Variants in MDGA2 observed in about 807,000 individuals in gnomAD.
MDGA2 encodes MAM domain containing glycosylphosphatidylinositol anchor 2.
In MDGA2, 40 loss-of-function variants were observed where a neutral mutation model predicts 117.8. The observed-to-expected ratio is 0.34, with a 90% CI of 0.26 to 0.44. MDGA2 has a LOEUF of 0.44. Among genes scored for constraint, MDGA2 ranks in the 20% least tolerant of loss-of-function variants. The pLI is 1.00. For missense variants in MDGA2, 1,123 were observed against 1,250.6 expected (o/e 0.90, Z 1.54); for synonymous variants, 452 against 439.0 (o/e 1.03, Z -0.37).
At chr14:47,272,979 G>C (rs947128289) in intron 2 of MDGA2, among the ~76,000 whole-genome samples, 4 of 152,108 alleles carry the variant, frequency 2.6e-5, no homozygotes, top group African/African-American at 4.8e-5. Context: ...CTAAGGCAGT[G>C]ATTTTTTACT....
chr14:47,618,848 A>T (rs1359140882), intron 1 of MDGA2, among the ~76,000 whole-genome samples: 16 of 152,154 alleles, frequency 1.1e-4, no homozygotes, highest in Non-Finnish European at 1.5e-4. Context: ...AACTTAGTAG[A>T]CTTTAGAGTT....
At chr14:47,436,336 A>T (rs1262274112) in intron 1 of MDGA2, among the ~76,000 whole-genome samples, 1 of 152,276 alleles carries the variant, frequency 6.6e-6, no homozygotes, top group Middle Eastern at 3.4e-3. Flanking sequence ...TATGTTATAC[A>T]GAATCATCTT....
chr14:47,383,346 TA>T (rs936053490), intron 1 of MDGA2, among the ~76,000 whole-genome samples: 30 of 148,000 alleles, frequency 2.0e-4, no homozygotes, highest in South Asian at 6.4e-4. Context: ...AAAGTACAAT[TA>T]AAAAAAAAAG....
chr14:47,241,848 C>T (rs1308460905), intron 2 of MDGA2, among the ~76,000 whole-genome samples: 1 of 151,768 alleles, frequency 6.6e-6, no homozygotes, highest in East Asian at 1.9e-4. Flanking sequence ...GGGAACAAAA[C>T]AAAATAGCTA....
At chr14:47,411,731 A>G (rs1410409854) in intron 1 of MDGA2, among the ~76,000 whole-genome samples, 3 of 152,312 alleles carry the variant, frequency 2.0e-5, no homozygotes, top group Non-Finnish European at 2.9e-5. Flanking sequence ...GCTCACAGCC[A>G]TCTGCTCTAC....
At chr14:47,643,654 G>T (rs1361158001) in intron 1 of MDGA2, among the ~76,000 whole-genome samples, 1 of 152,102 alleles carries the variant, frequency 6.6e-6, no homozygotes, top group East Asian at 1.9e-4. Flanking sequence ...TAAAAGGTCT[G>T]CTGTGTACAT....
intron 1 of MDGA2, among the ~76,000 whole-genome samples, chr14:47,617,951 C>T (rs972726413): frequency 6.6e-6 from 1 of 152,080 alleles, no homozygotes; most frequent in African/African-American, 2.4e-5. Flanking sequence ...TAATAAATAA[C>T]TTTTTAATTA....
At chr14:47,005,040 T>A (rs982930595) in intron 8 of MDGA2, among the ~76,000 whole-genome samples, 1 of 151,642 alleles carries the variant, frequency 6.6e-6, no homozygotes, top group Admixed American at 6.6e-5. Context: ...GATGATAAGA[T>A]CATCTGTGAA....
chr14:47,011,763 G>A (rs1293507560), intron 8 of MDGA2, among the ~76,000 whole-genome samples: 1 of 151,958 alleles, frequency 6.6e-6, no homozygotes, highest in Admixed American at 6.6e-5. Flanking sequence ...TCTACATTAA[G>A]AGATCCAAAG....
At chr14:47,066,663 A>T (rs76714239) in intron 6 of MDGA2, among the ~76,000 whole-genome samples, 1 of 152,128 alleles carries the variant, frequency 6.6e-6, no homozygotes, top group Non-Finnish European at 1.5e-5. Flanking sequence ...TATGCTTCAG[A>T]TAATAATCAT....
intron 6 of MDGA2, among the ~76,000 whole-genome samples, chr14:47,080,651 A>G (rs1019034557): frequency 6.6e-6 from 1 of 152,196 alleles, no homozygotes; most frequent in Non-Finnish European, 1.5e-5. Flanking sequence ...CTAAAACAGC[A>G]TTAAGTATAA....
At chr14:47,158,868 G>C (rs960672506) in intron 3 of MDGA2, among the ~76,000 whole-genome samples, 1 of 152,222 alleles carries the variant, frequency 6.6e-6, no homozygotes, top group Non-Finnish European at 1.5e-5. Flanking sequence ...GTGCTGAAAA[G>C]AAGTGAGCTC....
chr14:47,485,604 A>G (rs1894043894), intron 1 of MDGA2, among the ~76,000 whole-genome samples: 1 of 152,170 alleles, frequency 6.6e-6, no homozygotes, highest in Non-Finnish European at 1.5e-5. Context: ...ACAGGTCTTC[A>G]CAGCAGCCCC....
intron 1 of MDGA2, among the ~76,000 whole-genome samples, chr14:47,527,749 T>C (rs1364537755): frequency 6.6e-6 from 1 of 152,188 alleles, no homozygotes; most frequent in East Asian, 1.9e-4. Context: ...GAGGCTTCAA[T>C]GGAACTATTT....
At chr14:47,161,497 G>T (rs10143613) in intron 3 of MDGA2, among the ~76,000 whole-genome samples, 60,650 of 151,382 alleles carry the variant, frequency 0.4, 12,763 homozygotes, top group African/African-American at 0.53. Context: ...ATATTAGAAT[G>T]TAAGGTTATA....
chr14:47,355,777 C>T (rs113129371), intron 1 of MDGA2, among the ~76,000 whole-genome samples: 3,493 of 152,284 alleles, frequency 0.023, 124 homozygotes, highest in African/African-American at 0.079. Flanking sequence ...GTACCAGGGG[C>T]TTCCTATTCC....
At chr14:47,087,484 G>C (rs77232185) in intron 6 of MDGA2, among the ~76,000 whole-genome samples, 1 of 82,890 alleles carries the variant, frequency 1.2e-5, no homozygotes, top group Non-Finnish European at 2.4e-5. Flanking sequence ...AAAAAAAAAA[G>C]AATTATAGAT....
intron 1 of MDGA2, among the ~76,000 whole-genome samples, chr14:47,494,876 T>TTATATATA (rs10627834): frequency 0.055 from 7,758 of 140,930 alleles, 273 homozygotes; most frequent in Non-Finnish European, 0.072. Flanking sequence ...TAAAATGTGA[T>TTATATATA]TATATATATA....
chr14:47,429,826 A>C (rs955962069), intron 1 of MDGA2, among the ~76,000 whole-genome samples: 2 of 151,752 alleles, frequency 1.3e-5, no homozygotes, highest in African/African-American at 4.8e-5. Flanking sequence ...AATTTCATGT[A>C]ATGAGGAATC....
Sources: gnomAD v4.1 joint callset for allele counts (sites outside exome capture counted in the v4.1 genomes callset) on GRCh38, gnomAD v4.1.1 for gene constraint, MANE v1.5 for transcripts, NCBI Gene and HGNC (gene_info 2026-07-23, HGNC 2026-07-21) for gene names.